The following PPM1H variants were observed in gnomAD, a reference collection of about 807,000 sequenced individuals.
PPM1H encodes protein phosphatase 1H.
A neutral mutation model predicts 54.9 loss-of-function variants in PPM1H; 27 were observed. The ratio of observed to expected loss-of-function variants is 0.49; its 90% confidence interval spans 0.36 to 0.68. The LOEUF is 0.68. PPM1H is among the 30% of genes least tolerant of loss of function. The probability of loss-of-function intolerance (pLI) is 0.00; values close to 1 mark genes in which losing one functional copy is unlikely to be tolerated. For synonymous variants in PPM1H, 305 were observed against 270.8 expected (o/e 1.13, Z -1.24); for missense variants, 596 against 667.8 (o/e 0.89, Z 1.19).
chr12:62,753,737 GA>G (rs1344570255), intron 4 of PPM1H, among the ~76,000 whole-genome samples: 1 of 152,196 alleles, frequency 6.6e-6, no homozygotes, highest in Non-Finnish European at 1.5e-5. Flanking sequence ...GCTTGCCTGG[GA>G]GAATGCCAGG....
chr12:62,832,342 T>C (rs1868378918), intron 1 of PPM1H, 63 bp from the exon 2 acceptor site: 2 of 1,498,834 alleles, frequency 1.3e-6, no homozygotes, highest in Non-Finnish European at 1.8e-6. Context: ...CAGTCCCTTG[T>C]CAAGGGTCAG....
intron 8 of PPM1H, among the ~76,000 whole-genome samples, chr12:62,670,132 C>G (rs529652498): frequency 1.3e-5 from 2 of 151,808 alleles, no homozygotes; most frequent in East Asian, 3.9e-4. Flanking sequence ...CATGTGCCAC[C>G]ACGCCCGGCT....
chr12:62,720,069 G>T, intron 6 of PPM1H, 102 bp downstream of exon 6: 2 of 1,005,866 alleles, frequency 2.0e-6, no homozygotes, highest in Non-Finnish European at 1.5e-6. Context: ...CTGGTCTCTG[G>T]CTGTGCTTCC....
chr12:62,752,316 T>C (rs2076446750), intron 4 of PPM1H, among the ~76,000 whole-genome samples: 1 of 152,328 alleles, frequency 6.6e-6, no homozygotes, highest in East Asian at 1.9e-4. Flanking sequence ...TTTTGTGTAA[T>C]GATAAATGTC....
intron 6 of PPM1H, among the ~76,000 whole-genome samples, chr12:62,705,912 G>A (rs1349338572): frequency 6.6e-6 from 1 of 152,204 alleles, no homozygotes; most frequent in African/African-American, 2.4e-5. Context: ...ATAGCAAACA[G>A]ATTATTAATT....
intron 6 of PPM1H, among the ~76,000 whole-genome samples, chr12:62,716,919 G>T (rs2076237783): frequency 6.6e-6 from 1 of 152,154 alleles, no homozygotes; most frequent in South Asian, 2.1e-4. Flanking sequence ...CATTAAAGTT[G>T]GGGGGAGTGC....
intron 1 of PPM1H, among the ~76,000 whole-genome samples, chr12:62,839,433 C>T (rs939038720): frequency 3.3e-5 from 5 of 152,112 alleles, no homozygotes; most frequent in African/African-American, 1.2e-4. Context: ...TCTTAATTTT[C>T]CAATTTCTTT....
intron 4 of PPM1H, among the ~76,000 whole-genome samples, chr12:62,771,045 GACACACACACACAC>G (rs71086630): frequency 5.0e-4 from 65 of 129,494 alleles, no homozygotes; most frequent in Non-Finnish European, 4.5e-4. Context: ...AAAAGAAAAA[GACACACACACACAC>G]ACACACACAC....
chr12:62,906,010 C>T (rs1309164370), intron 1 of PPM1H, among the ~76,000 whole-genome samples: 1 of 152,172 alleles, frequency 6.6e-6, no homozygotes, highest in Non-Finnish European at 1.5e-5. Flanking sequence ...GAAAGTATAA[C>T]TCCAAAATCT....
intron 1 of PPM1H, among the ~76,000 whole-genome samples, chr12:62,926,308 G>A (rs1565831422): frequency 6.6e-6 from 1 of 151,998 alleles, no homozygotes; most frequent in Admixed American, 6.6e-5. Flanking sequence ...TAAGACAGTT[G>A]GTATCTAATC....
intron 3 of PPM1H, among the ~76,000 whole-genome samples, chr12:62,793,522 G>GGA (rs1286012509): frequency 1.3e-5 from 2 of 151,906 alleles, no homozygotes; most frequent in African/African-American, 4.8e-5. Flanking sequence ...GTCGGGCAGT[G>GGA]GAGACCAGCT....
At chr12:62,904,573 G>T (rs1327740530) in intron 1 of PPM1H, among the ~76,000 whole-genome samples, 2 of 152,174 alleles carry the variant, frequency 1.3e-5, no homozygotes, top group Non-Finnish European at 2.9e-5. Context: ...CTGACCAGTA[G>T]ACAGAACGGT....
At chr12:62,763,392 G>A (rs1049353168) in intron 4 of PPM1H, among the ~76,000 whole-genome samples, 4 of 152,224 alleles carry the variant, frequency 2.6e-5, no homozygotes, top group Non-Finnish European at 5.9e-5. Context: ...TCCAGATAGG[G>A]TAAATGTGCA....
chr12:62,788,489 A>C, intron 3 of PPM1H, 151 bp from the exon 4 acceptor site: 1 of 580,122 alleles, frequency 1.7e-6, no homozygotes, highest in Non-Finnish European at 3.1e-6. Flanking sequence ...CCACCTGATG[A>C]GCATTTCTGG....
chr12:62,802,246 G>C (rs2076775427), intron 2 of PPM1H, 86 bp from the exon 3 acceptor site: 1 of 1,089,932 alleles, frequency 9.2e-7, no homozygotes, highest in South Asian at 1.9e-5. Flanking sequence ...CTATGGGACT[G>C]AGGGTCCACT....
In PPM1H at chr12:62,934,351, G is replaced by T; in HGVS notation, c.245+141C>A. The T allele has an allele frequency of 8.1e-7, 1 of 1,237,706 alleles. No individual in the cohort carries two copies. The highest frequency in any genetic ancestry group is 1.1e-6 in the Non-Finnish European group (1 of 933,494). The allele number at this position is 1,237,706 out of a possible 1,614,324, so 76.7% of individuals were successfully genotyped here. On this transcript the variant is annotated intron_variant, in intron 1 of 9. Transcript: ENST00000228705. This position sits in a 1 kb window ranked among gnomAD's most constrained non-coding sequence, Gnocchi z 4.2. ...GAGAAGAGGGAAATGGCCAGTGTAA[G>T]TAAAGAGCTCCCCGCCGAGGCCTGG...
intron 1 of PPM1H, among the ~76,000 whole-genome samples, chr12:62,875,454 G>A (rs1178021131): frequency 6.6e-6 from 1 of 152,218 alleles, no homozygotes; most frequent in Non-Finnish European, 1.5e-5. Flanking sequence ...GGATGGCGAG[G>A]AAAGGTACAT....
intron 4 of PPM1H, among the ~76,000 whole-genome samples, chr12:62,748,546 AC>A (rs2076425126): frequency 1.3e-5 from 2 of 151,858 alleles, no homozygotes; most frequent in East Asian, 3.9e-4. Flanking sequence ...ACACACACAC[AC>A]ACACACACAC....
chr12:62,724,999 G>A (rs141976767), intron 5 of PPM1H, among the ~76,000 whole-genome samples: 25 of 152,208 alleles, frequency 1.6e-4, no homozygotes, highest in African/African-American at 4.8e-4. Context: ...CACCGGTGAC[G>A]CAGCATTTTT....
Sources: gnomAD v4.1 joint callset for allele counts (sites outside exome capture counted in the v4.1 genomes callset) on GRCh38, gnomAD v4.1.1 for gene constraint, Gnocchi (gnomAD v3.1) non-coding constraint, MANE v1.5 for transcripts, NCBI Gene and HGNC (gene_info 2026-07-23, HGNC 2026-07-21) for gene names.